The following SLC18A1 variants were observed in gnomAD, a reference collection of about 807,000 sequenced individuals.
SLC18A1 encodes the protein chromaffin granule amine transporter.
In SLC18A1, 69 loss-of-function variants were observed where a neutral mutation model predicts 53.7. The ratio of observed to expected loss-of-function variants is 1.28; its 90% CI spans 1.06 to 1.57. The LOEUF (loss-of-function observed/expected upper bound fraction) is 1.57. Ranked by LOEUF, SLC18A1 falls within the 40% of genes most tolerant of loss-of-function variation. SLC18A1 has a pLI of 0.00. For missense variants in SLC18A1, 932 were observed against 668.1 expected, an observed-to-expected ratio of 1.40 and a Z score of -4.35; for synonymous variants, 320 against 248.1, an observed-to-expected ratio of 1.29 and a Z score of -2.72.
chr8:20,158,145 C>G (rs554530533), intron 10 of SLC18A1, among the ~76,000 whole-genome samples: 12 of 152,272 alleles, frequency 7.9e-5, no homozygotes, highest in Admixed American at 7.2e-4. Flanking sequence ...TATGCTTGAC[C>G]TTTGAGGGCC....
chr8:20,181,877 C>T (rs938252412), intron 1 of SLC18A1: 4 of 152,126 alleles, frequency 2.6e-5, no homozygotes, highest in African/African-American at 9.7e-5. Flanking sequence ...TACCATGTTC[C>T]CTTGCTCTGT....
At chr8:20,182,710 A>T (rs928976858) in intron 1 of SLC18A1, among the ~76,000 whole-genome samples, 1 of 152,230 alleles carries the variant, frequency 6.6e-6, no homozygotes, top group Admixed American at 6.5e-5. Context: ...TATTAACGTG[A>T]CCAAGGTCCT....
At chr8:20,153,003 C>A (rs1334673700) in intron 10 of SLC18A1, among the ~76,000 whole-genome samples, 2 of 152,080 alleles carry the variant, frequency 1.3e-5, no homozygotes, top group East Asian at 1.9e-4. Flanking sequence ...CTTCTGTTTT[C>A]TCAATGAGTA....
chr8:20,157,408 T>G (rs1406755794), intron 10 of SLC18A1, among the ~76,000 whole-genome samples: 1 of 152,128 alleles, frequency 6.6e-6, no homozygotes, highest in East Asian at 1.9e-4. Context: ...CAGTAGGCAG[T>G]TCCTAGTGTA....
intron 8 of SLC18A1, among the ~76,000 whole-genome samples, chr8:20,166,871 G>C (rs1378091549): frequency 3.9e-5 from 6 of 152,048 alleles, no homozygotes; most frequent in African/African-American, 9.7e-5. Context: ...AGGGACATCA[G>C]GGCTCTCTTC....
At chr8:20,160,902 C>A (rs1345019517) in intron 10 of SLC18A1, among the ~76,000 whole-genome samples, 2 of 151,964 alleles carry the variant, frequency 1.3e-5, no homozygotes, top group Non-Finnish European at 2.9e-5. Flanking sequence ...GAAAAAGGGG[C>A]CAAACTCCCC....
Position 20,147,669 on chromosome 8 carries a change from G to C in SLC18A1, c.1264C>G (p.His422Asp). 6.2e-7 allele frequency: 1 copy of C among 1,613,992 alleles called. No homozygotes were observed. Among genetic ancestry groups the C allele is most frequent in the Non-Finnish European group, 8.5e-7 (1 of 1,179,960 alleles). The change falls in exon 14 of 16, where the codon CAC becomes GAC. Residue 422 changes from histidine (H) to aspartate (D), a missense_variant. Physicochemically the swap from His to Asp is moderately conservative, Grantham distance 81 (BLOSUM62 -1). Coordinates refer to ENST00000276373, the MANE Select transcript of SLC18A1 (RefSeq NM_003053.4). ...TAGACACTCCCATACACCGAGGTGT[G>C]GCGTAGATCCACCAGGTGCCCCATG... Reference protein sequence around the residue: ...PIMGHLVDLRHTSVYGSVYAI... With the variant: ...PIMGHLVDLRDTSVYGSVYAI...
At position 20,159,467 on chromosome 8, in the gene SLC18A1, G is replaced by A. The variant is rs143804692; in HGVS notation, c.1015+5402C>T. The stretch of plus-strand genomic sequence containing the variant: ...CACTAAAATACCAATTAGGCTAAAA[G>A]CAGGAGGTAAAGAAATAATCAAATA... On this transcript the variant is annotated intron_variant, in intron 10 of 15. Transcript: ENST00000276373. 2.6e-5 allele frequency among the ~76,000 whole-genome samples: 4 copies of A among 151,982 alleles called. No individual in the cohort carries two copies. The East Asian group carries it at 7.8e-4, about 29-fold the overall frequency.
chr8:20,156,410 A>G (rs1003725316), intron 10 of SLC18A1, among the ~76,000 whole-genome samples: 2 of 152,142 alleles, frequency 1.3e-5, no homozygotes, highest in Admixed American at 1.3e-4. Flanking sequence ...TAATTACCAT[A>G]CGAAGGTCTG....
intron 12 of SLC18A1, among the ~76,000 whole-genome samples, chr8:20,149,433 C>T (rs976904500): frequency 5.3e-5 from 8 of 152,122 alleles, no homozygotes; most frequent in African/African-American, 1.9e-4. Flanking sequence ...CCCACTTCCC[C>T]TCAAAGGAAA....
rs1328081228 is a variant in SLC18A1, at chr8:20,171,414, G to A, written c.805C>T (p.Leu269=). 1 of 1,613,842 alleles carries A rather than the reference G, an allele frequency of 6.2e-7. No individual in the cohort carries two copies. The highest frequency in any genetic ancestry group is 1.3e-5 in the African/African-American group (1 of 75,036). Residue 269 remains leucine (L), a synonymous_variant, in exon 7 of 16, where the codon CTG becomes TTG. Coordinates refer to ENST00000276373, the MANE Select transcript of SLC18A1 (RefSeq NM_003053.4). ...TCTGATGGTGACTTACCTCCATCCA[G>A]TAGTGCCAGGAAGGCCAGGATGAGG... The part of the protein sequence containing the change: ...PFLILAFLAL[L]DGALQLCILQ...
chr8:20,170,260 A>T (rs2072078791), intron 8 of SLC18A1, among the ~76,000 whole-genome samples: 1 of 152,210 alleles, frequency 6.6e-6, no homozygotes, highest in South Asian at 2.1e-4. Context: ...TCATAGTTTC[A>T]AATTCTTTCA....
intron 10 of SLC18A1, among the ~76,000 whole-genome samples, chr8:20,151,616 A>G (rs760432479): frequency 2.0e-5 from 3 of 152,218 alleles, no homozygotes; most frequent in Non-Finnish European, 4.4e-5. Context: ...AATGCATGCA[A>G]AAGTATTTTG....
chr8:20,148,612 C>A (rs939955470), intron 12 of SLC18A1: 1 of 485,476 alleles, frequency 2.1e-6, no homozygotes, highest in African/African-American at 2.0e-5. Context: ...TGTCAGGAAG[C>A]TTGTGAGACT....
At chr8:20,163,469 C>T (rs1216598061) in intron 10 of SLC18A1, among the ~76,000 whole-genome samples, 1 of 152,160 alleles carries the variant, frequency 6.6e-6, no homozygotes, top group Non-Finnish European at 1.5e-5. Flanking sequence ...TGGGCTATTT[C>T]CTCCCCTTGG....
At chr8:20,146,087 T>C (rs1201161063) in intron 15 of SLC18A1, among the ~76,000 whole-genome samples, 1 of 152,054 alleles carries the variant, frequency 6.6e-6, no homozygotes, top group Non-Finnish European at 1.5e-5. Context: ...GGCTAATTTT[T>C]TGTATTTTTA....
At chr8:20,161,645 C>T (rs76601262) in intron 10 of SLC18A1, among the ~76,000 whole-genome samples, 5,003 of 152,242 alleles carry the variant, frequency 0.033, 298 homozygotes, top group African/African-American at 0.11. Flanking sequence ...AAAGATAGAA[C>T]AGGCATTCTT....
intron 1 of SLC18A1, among the ~76,000 whole-genome samples, chr8:20,182,110 C>A (rs1052553384): frequency 2.0e-5 from 3 of 152,200 alleles, no homozygotes; most frequent in Admixed American, 6.5e-5. Flanking sequence ...GTGGTATCAA[C>A]AATATCACTC....
intron 10 of SLC18A1, among the ~76,000 whole-genome samples, chr8:20,156,575 G>A (rs1348234989): frequency 1.3e-5 from 2 of 152,156 alleles, no homozygotes; most frequent in African/African-American, 4.8e-5. Context: ...TCTGCTCAAA[G>A]GTGTGAGCTG....
Sources: gnomAD v4.1 joint callset for allele counts (sites outside exome capture counted in the v4.1 genomes callset) on GRCh38, gnomAD v4.1.1 for gene constraint, MANE v1.5 for transcripts, NCBI Gene and HGNC (gene_info 2026-07-23, HGNC 2026-07-21) for gene names.